The following LAMA2 variants were observed in gnomAD, a reference collection of about 807,000 sequenced individuals.
LAMA2 encodes laminin subunit alpha-2.
A neutral mutation model predicts 364.8 loss-of-function variants in LAMA2; 269 were observed. The observed-to-expected ratio is 0.74, with a 90% CI of 0.67 to 0.82. The LOEUF is 0.82. Among genes scored for constraint, LAMA2 ranks in the 40% least tolerant of loss-of-function variants. The pLI, the probability that LAMA2 is intolerant of heterozygous loss-of-function variation, is 0.00. For synonymous variants in LAMA2, 1,379 were observed against 1,370.6 expected (o/e 1.01, Z -0.14); for missense variants, 3,807 against 3,873.2 (o/e 0.98, Z 0.45).
At chr6:128,895,648 C>T (rs942979736) in intron 1 of LAMA2, among the ~76,000 whole-genome samples, 22 of 151,904 alleles carry the variant, frequency 1.4e-4, no homozygotes, top group African/African-American at 4.4e-4. Context: ...ACTCCGTGAA[C>T]TCATGAGCAA....
Position 128,961,881 on chromosome 6 carries a change from G to C in LAMA2, c.112+78524G>C, listed in dbSNP as rs149236729. Among the ~76,000 whole-genome samples the C allele has an allele frequency of 4.9e-3, 751 of 151,878 alleles. 7 individuals carry two copies. The highest frequency in any genetic ancestry group is 8.7e-3 in the Non-Finnish European group (592 of 67,954). On this transcript the variant is annotated intron_variant, in intron 1 of 64. Transcript: ENST00000421865. The stretch of plus-strand genomic sequence containing the variant: ...ACGAGGTTTATAGGGTTGGCAGGGG[G>C]ATCTGGATACCTAACTAAGATTTTG...
chr6:129,051,557 C>T (rs914433648), intron 2 of LAMA2, among the ~76,000 whole-genome samples: 4 of 149,748 alleles, frequency 2.7e-5, no homozygotes, highest in Admixed American at 6.7e-5. Context: ...AGTGATCACC[C>T]GCTTCAGCCT....
intron 12 of LAMA2, among the ~76,000 whole-genome samples, chr6:129,212,723 A>G (rs426730): frequency 0.057 from 8,676 of 152,234 alleles, 819 homozygotes; most frequent in African/African-American, 0.2. Context: ...TAAAAAATTC[A>G]CTTAACTGAG....
chr6:129,183,622 A>G (rs1196462538), intron 10 of LAMA2, among the ~76,000 whole-genome samples: 1 of 151,864 alleles, frequency 6.6e-6, no homozygotes, highest in Non-Finnish European at 1.5e-5. Flanking sequence ...AGTTCTATTC[A>G]GATTTCTTGG....
At chr6:129,267,268 C>G in intron 16 of LAMA2, 49 bp downstream of exon 16, 1 of 1,206,280 alleles carries the variant, frequency 8.3e-7, no homozygotes, top group East Asian at 2.3e-5. Flanking sequence ...CTGAAATCAC[C>G]TCGACAGATG....
chr6:129,422,346 A>G (rs1170997685), intron 40 of LAMA2, among the ~76,000 whole-genome samples: 2 of 152,164 alleles, frequency 1.3e-5, no homozygotes, highest in African/African-American at 4.8e-5. Context: ...GCAAGAAGAT[A>G]GAAAATTAGC....
intron 32 of LAMA2, among the ~76,000 whole-genome samples, chr6:129,365,859 T>G (rs947723082): frequency 1.5e-4 from 23 of 152,154 alleles, no homozygotes; most frequent in Non-Finnish European, 2.2e-4. Flanking sequence ...TCCTTTCGAT[T>G]GCTCATGTAG....
chr6:129,162,398 T>C (rs975898598), intron 8 of LAMA2, among the ~76,000 whole-genome samples: 3 of 152,124 alleles, frequency 2.0e-5, no homozygotes, highest in Admixed American at 6.6e-5. Context: ...TTTCCCATTT[T>C]CCATACTCTG....
intron 14 of LAMA2, among the ~76,000 whole-genome samples, chr6:129,254,486 G>T (rs960533504): frequency 9.2e-5 from 14 of 152,122 alleles, no homozygotes; most frequent in African/African-American, 3.4e-4. Context: ...CTTGGCTAGT[G>T]GTAACCCAGC....
intron 10 of LAMA2, among the ~76,000 whole-genome samples, chr6:129,180,116 C>A (rs902571207): frequency 6.6e-6 from 1 of 151,828 alleles, no homozygotes; most frequent in Non-Finnish European, 1.5e-5. Context: ...TGTAACAGTT[C>A]ATACTGTTTC....
Position 129,492,215 on chromosome 6 carries a change from A to C in LAMA2, c.8076-100A>C, listed in dbSNP as rs1380693082. ...AGGATCTTCAACTTAGACTGAGAAA[A>C]GCACACTAATGGACTTAAAAAGGCA... On this transcript the variant is annotated intron_variant, in intron 57 of 64. Transcript: ENST00000421865. The C allele has an allele frequency of 2.1e-6, 3 of 1,439,406 alleles. No individual in the cohort carries two copies. In the African/African-American group the frequency reaches 4.2e-5, roughly 20 times the overall value. The allele number at this position is 1,439,406 out of a possible 1,614,324, so 89.2% of individuals were successfully genotyped here.
chr6:129,073,292 G>A (rs762007969), intron 3 of LAMA2, among the ~76,000 whole-genome samples: 24 of 151,922 alleles, frequency 1.6e-4, no homozygotes, highest in South Asian at 2.1e-4. Flanking sequence ...TCCATTGAAG[G>A]CTATTTTTTT....
intron 9 of LAMA2, among the ~76,000 whole-genome samples, chr6:129,166,663 T>A (rs140044480): frequency 2.7e-3 from 417 of 152,232 alleles, no homozygotes; most frequent in African/African-American, 9.7e-3. Context: ...ATTTAACTCT[T>A]CCCTACCCCT....
intron 10 of LAMA2, among the ~76,000 whole-genome samples, chr6:129,185,666 C>A (rs1781184621): frequency 6.6e-6 from 1 of 151,322 alleles, no homozygotes; most frequent in South Asian, 2.1e-4. Flanking sequence ...GAAAAAATGA[C>A]TATATAGGCT....
chr6:129,499,937 G>C (rs1037718211), intron 58 of LAMA2, among the ~76,000 whole-genome samples: 3 of 151,794 alleles, frequency 2.0e-5, no homozygotes, highest in South Asian at 2.1e-4. Context: ...AGAGACAGAG[G>C]GGGGCAGGGG....
chr6:128,883,236 G>A lies in LAMA2; in HGVS notation c.-10G>A, dbSNP rs1343890938. The A allele has an allele frequency of 1.3e-6, 2 of 1,549,366 alleles. No homozygotes were observed. Among genetic ancestry groups the A allele is most frequent in the Admixed American group, 3.9e-5 (2 of 51,096 alleles). ...GCTCCCGAGAAGTGGATCCGGTCGC[G>A]GCCACTACGATGCCGGGAGCCGCCG... On this transcript the variant is annotated 5_prime_UTR_variant, in exon 1 of 65. Transcript: ENST00000421865.
intron 64 of LAMA2, 128 bp from the exon 65 acceptor site, chr6:129,516,062 A>T: frequency 9.0e-7 from 1 of 1,110,028 alleles, no homozygotes; most frequent in Admixed American, 1.7e-5. Flanking sequence ...GGCTAAAAAC[A>T]AAACCACTAA....
chr6:129,261,176 A>ATT (rs558877302), intron 15 of LAMA2, among the ~76,000 whole-genome samples: 1 of 148,228 alleles, frequency 6.7e-6, no homozygotes, highest in African/African-American at 2.5e-5. Flanking sequence ...TTAGCACTCT[A>ATT]TTTTTTTTTT....
chr6:129,172,509 AC>A, intron 9 of LAMA2, among the ~76,000 whole-genome samples: 1 of 152,344 alleles, frequency 6.6e-6, no homozygotes, highest in East Asian at 1.9e-4. Context: ...TCAGGGACCC[AC>A]TTGAGGAGGC....
Sources: allele counts gnomAD v4.1 joint callset (sites outside exome capture counted in the v4.1 genomes callset), GRCh38; gene constraint gnomAD v4.1.1; transcripts MANE v1.5; gene names NCBI Gene and HGNC (gene_info 2026-07-23, HGNC 2026-07-21).